DDX10: variants seen among roughly 807,000 people sequenced by gnomAD.
DDX10 encodes the protein DEAD-box helicase 10.
A neutral mutation model predicts 104.3 loss-of-function variants in DDX10; 74 were observed. The observed-to-expected ratio is 0.71, with a 90% confidence interval of 0.59 to 0.86. DDX10 has a LOEUF of 0.86. Among genes scored for constraint, DDX10 ranks in the 40% least tolerant of loss-of-function variants. DDX10 has a pLI of 0.00. For synonymous variants in DDX10, 351 were observed against 353.4 expected, an observed-to-expected ratio of 0.99 and a Z score of 0.08; for missense variants, 952 against 1,040.0, an observed-to-expected ratio of 0.92 and a Z score of 1.16.
At chr11:108,675,796 T>C (rs2094224238) in intron 3 of DDX10, 70 bp downstream of exon 3, 2 of 1,547,416 alleles carry the variant, frequency 1.3e-6, no homozygotes, top group African/African-American at 2.7e-5. Flanking sequence ...CAGATGCAGA[T>C]TATATAAAGA....
chr11:108,845,465 T>C lies in DDX10; in HGVS notation c.2247+3989T>C, dbSNP rs145797590. ...TTGCCTTGGGCAAATATAATTCTGT[T>C]TCCCTTTGAGGCTGTCACTCATAAT... On this transcript the variant is annotated intron_variant, in intron 15 of 17. Coordinates refer to ENST00000322536, the MANE Select transcript of DDX10 (RefSeq NM_004398.4). Among the ~76,000 whole-genome samples, 658 of 152,306 alleles carry C rather than the reference T, an allele frequency of 4.3e-3. 4 individuals carry two copies. Among genetic ancestry groups the C allele is most frequent in the African/African-American group, 0.015 (636 of 41,556 alleles).
intron 10 of DDX10, among the ~76,000 whole-genome samples, chr11:108,711,656 A>T (rs973511220): frequency 6.6e-6 from 1 of 152,090 alleles, no homozygotes; most frequent in South Asian, 2.1e-4. Context: ...GTTTAATTCC[A>T]TTGTGGTCTG....
chr11:108,786,887 T>C (rs1861801713), intron 13 of DDX10, among the ~76,000 whole-genome samples: 1 of 152,170 alleles, frequency 6.6e-6, no homozygotes, highest in Non-Finnish European at 1.5e-5. Flanking sequence ...CCTGTCTTTA[T>C]GTTGTTGGCT....
intron 13 of DDX10, among the ~76,000 whole-genome samples, chr11:108,803,332 G>A (rs760915014): frequency 6.6e-6 from 1 of 150,628 alleles, no homozygotes. Context: ...GGCGGCTCAC[G>A]CCTGTAATCC....
intron 16 of DDX10, among the ~76,000 whole-genome samples, chr11:108,867,761 A>T (rs1863025630): frequency 1.3e-5 from 2 of 152,164 alleles, no homozygotes; most frequent in Non-Finnish European, 2.9e-5. Context: ...ATGATAATGG[A>T]CAGCAAGGAA....
At chr11:108,829,707 A>G (rs1862443114) in intron 13 of DDX10, among the ~76,000 whole-genome samples, 1 of 152,168 alleles carries the variant, frequency 6.6e-6, no homozygotes, top group African/African-American at 2.4e-5. Flanking sequence ...TAGAATCTTT[A>G]TGGTTTCAGA....
intron 13 of DDX10, among the ~76,000 whole-genome samples, chr11:108,778,493 G>A (rs1449403696): frequency 5.9e-5 from 9 of 152,102 alleles, no homozygotes; most frequent in East Asian, 1.9e-4. Context: ...CTAGCCATAT[G>A]TAGAAAGCTG....
At chr11:108,728,855 G>A (rs1331147490) in intron 13 of DDX10, among the ~76,000 whole-genome samples, 1 of 151,976 alleles carries the variant, frequency 6.6e-6, no homozygotes, top group Non-Finnish European at 1.5e-5. Flanking sequence ...ATGCTCCTAG[G>A]TATATATATT....
chr11:108,689,594 A>G (rs1291585070), intron 7 of DDX10, among the ~76,000 whole-genome samples: 1 of 152,166 alleles, frequency 6.6e-6, no homozygotes, highest in Non-Finnish European at 1.5e-5. Context: ...TGTTTTGTTT[A>G]TATCTTAGTT....
intron 1 of DDX10, among the ~76,000 whole-genome samples, chr11:108,672,071 A>G (rs2094217845): frequency 6.6e-6 from 1 of 151,546 alleles, no homozygotes; most frequent in African/African-American, 2.4e-5. Flanking sequence ...GGAAAAAAAA[A>G]AAAAAAAAAA....
At chr11:108,899,092 C>T (rs1263792935) in intron 16 of DDX10, among the ~76,000 whole-genome samples, 2 of 152,248 alleles carry the variant, frequency 1.3e-5, no homozygotes, top group South Asian at 2.1e-4. Context: ...CGTGTCTCTG[C>T]GTTATCTCTC....
chr11:108,886,025 C>T (rs1863292357), intron 16 of DDX10, among the ~76,000 whole-genome samples: 1 of 152,074 alleles, frequency 6.6e-6, no homozygotes. Flanking sequence ...GGGAAGAAGG[C>T]AAAATTCAAG....
intron 13 of DDX10, among the ~76,000 whole-genome samples, chr11:108,820,603 C>T (rs1862313354): frequency 6.6e-6 from 1 of 152,178 alleles, no homozygotes; most frequent in African/African-American, 2.4e-5. Flanking sequence ...CTGCAGTCAT[C>T]TGAGAAATTA....
chr11:108,679,764 A>T (rs1282023931), intron 6 of DDX10, among the ~76,000 whole-genome samples: 1 of 152,196 alleles, frequency 6.6e-6, no homozygotes, highest in Non-Finnish European at 1.5e-5. Flanking sequence ...CATTTCCCAA[A>T]ATGTGGTCTG....
chr11:108,892,923 GT>G (rs2134641551), intron 16 of DDX10, among the ~76,000 whole-genome samples: 1 of 152,156 alleles, frequency 6.6e-6, no homozygotes, highest in South Asian at 2.1e-4. Context: ...AACAACCCCT[GT>G]TCCTTCCTGC....
intron 13 of DDX10, among the ~76,000 whole-genome samples, chr11:108,813,189 C>G (rs1393913695): frequency 6.6e-6 from 1 of 151,980 alleles, no homozygotes; most frequent in Admixed American, 6.6e-5. Flanking sequence ...ATAACTAAGT[C>G]AAAGGGTACG....
At chr11:108,847,458 C>T (rs538815255) in intron 15 of DDX10, among the ~76,000 whole-genome samples, 4 of 152,214 alleles carry the variant, frequency 2.6e-5, no homozygotes, top group South Asian at 4.2e-4. Flanking sequence ...TTATCTATAT[C>T]GGATTATGAA....
At chr11:108,834,129 T>A (rs1228650339) in intron 13 of DDX10, among the ~76,000 whole-genome samples, 1 of 151,556 alleles carries the variant, frequency 6.6e-6, no homozygotes, top group East Asian at 1.9e-4. Context: ...CTAATTTTTT[T>A]TTTTTTTTTT....
At chr11:108,869,803 T>C (rs777322167) in intron 16 of DDX10, among the ~76,000 whole-genome samples, 2 of 152,170 alleles carry the variant, frequency 1.3e-5, no homozygotes, top group Admixed American at 1.3e-4. Flanking sequence ...TAGAAAATTA[T>C]GGTAAAATGT....
Sources: allele counts gnomAD v4.1 joint callset (sites outside exome capture counted in the v4.1 genomes callset), GRCh38; gene constraint gnomAD v4.1.1; transcripts MANE v1.5; gene names NCBI Gene and HGNC (gene_info 2026-07-23, HGNC 2026-07-21).